KIR3DL3: variants seen among roughly 807,000 people sequenced by gnomAD.
The protein encoded by KIR3DL3 is killer cell immunoglobulin-like receptor 3DL3.
A neutral mutation model predicts 34.9 loss-of-function variants in KIR3DL3; 27 were observed. The ratio of observed to expected loss-of-function variants is 0.77; its 90% CI spans 0.57 to 1.07. KIR3DL3 has a LOEUF of 1.07. KIR3DL3 is among the 50% of genes least tolerant of loss of function. The pLI is 0.00. For synonymous variants in KIR3DL3, 217 were observed against 200.2 expected, an observed-to-expected ratio of 1.08 and a Z score of -0.71; for missense variants, 681 against 528.5, an observed-to-expected ratio of 1.29 and a Z score of -2.83.
intron 5 of KIR3DL3, among the ~76,000 whole-genome samples, chr19:54,733,457 T>C (rs2069060366): frequency 6.6e-6 from 1 of 152,156 alleles, no homozygotes; most frequent in African/African-American, 2.4e-5. Flanking sequence ...GCTTCAACCC[T>C]GGAGGCAGAG....
At chr19:54,725,339 G>A in intron 2 of KIR3DL3, 57 bp downstream of exon 2, 2 of 1,302,180 alleles carry the variant, frequency 1.5e-6, no homozygotes, top group Non-Finnish European at 2.1e-6. Context: ...TGATGCTCCT[G>A]AAACGGGAGG....
intron 3 of KIR3DL3, among the ~76,000 whole-genome samples, chr19:54,727,152 G>A (rs111551907): frequency 0.047 from 6,125 of 131,394 alleles, 571 homozygotes; most frequent in African/African-American, 0.16. Context: ...CATGGAGAAG[G>A]CACAGACATG....
At chr19:54,726,029 A>G (rs2068120811) in intron 2 of KIR3DL3, 24 bp from the exon 3 acceptor site, 2 of 1,549,262 alleles carry the variant, frequency 1.3e-6, no homozygotes, top group Middle Eastern at 1.7e-4. Context: ...CTCCTCTCTA[A>G]GGTGGTGCCT....
intron 5 of KIR3DL3, among the ~76,000 whole-genome samples, chr19:54,731,830 C>G (rs1296479116): frequency 3.9e-5 from 6 of 151,946 alleles, no homozygotes; most frequent in Non-Finnish European, 5.9e-5. Flanking sequence ...TTTACCCACA[C>G]CTTTTTCTCT....
chr19:54,727,400 G>A (rs2068303497), intron 3 of KIR3DL3, among the ~76,000 whole-genome samples: 1 of 135,200 alleles, frequency 7.4e-6, no homozygotes, highest in South Asian at 2.5e-4. Context: ...AGTGGGAAGG[G>A]AATCAGGGCT....
chr19:54,735,938 ACCCT>A, intron 7 of KIR3DL3, 29 bp from the exon 8 acceptor site: 5 of 1,607,326 alleles, frequency 3.1e-6, no homozygotes, highest in Non-Finnish European at 4.2e-6. Flanking sequence ...AAATGTGAGC[ACCCT>A]CCCTCACTCA....
intron 5 of KIR3DL3, among the ~76,000 whole-genome samples, chr19:54,730,999 G>GGTTTTT (rs1228589440): frequency 1.3e-5 from 2 of 151,778 alleles, no homozygotes; most frequent in African/African-American, 2.4e-5. Context: ...TTTGTTTTAT[G>GGTTTTT]GTTTTTGTTT....
intron 5 of KIR3DL3, among the ~76,000 whole-genome samples, chr19:54,732,263 T>TTTTTGTTTTG (rs2068896163): frequency 1.3e-5 from 2 of 151,022 alleles, no homozygotes; most frequent in African/African-American, 4.9e-5. Context: ...GTTTTCTTTT[T>TTTTTGTTTTG]TTTTTTGAGT....
At chr19:54,724,551 G>T in intron 1 of KIR3DL3, 21 bp downstream of exon 1, 1 of 1,607,214 alleles carries the variant, frequency 6.2e-7, no homozygotes, top group Non-Finnish European at 8.5e-7. Flanking sequence ...GAAGGGAATC[G>T]AGGGAGGGAG....
chr19:54,728,851 T>C (rs1472266142), intron 4 of KIR3DL3, among the ~76,000 whole-genome samples: 1 of 148,126 alleles, frequency 6.8e-6, no homozygotes, highest in African/African-American at 2.5e-5. Flanking sequence ...GATGGACAGA[T>C]AGATATAGAT....
At chr19:54,728,569 T>C (rs1053140947) in intron 4 of KIR3DL3, among the ~76,000 whole-genome samples, 3 of 147,570 alleles carry the variant, frequency 2.0e-5, no homozygotes, top group African/African-American at 7.5e-5. Context: ...ATCAGGGAAA[T>C]CAAAAAGCAA....
chr19:54,725,432 G>A (rs912032056), intron 2 of KIR3DL3, 150 bp downstream of exon 2: 71 of 695,960 alleles, frequency 1.0e-4, no homozygotes, highest in Non-Finnish European at 1.6e-4. Flanking sequence ...AGGAAGCCAG[G>A]GGAAGCTTCG....
At position 54,727,862 on chromosome 19, in the gene KIR3DL3, C is replaced by T. The variant is rs772474217; in HGVS notation, c.607C>T (p.Pro203Ser). The change falls in exon 4 of 8, where the codon CCC becomes TCC. Residue 203 changes from proline (P) to serine (S), a missense_variant. Pro to Ser is a moderately conservative substitution (Grantham distance 74). Coordinates refer to ENST00000291860, the MANE Select transcript of KIR3DL3 (RefSeq NM_153443.5). ...ATGCTTTGGTTCTGTCACTCACTTA[C>T]CCTATGAGTTGTCGGCTCCCAGTGA... Reference protein sequence around the residue: ...YRCFGSVTHLPYELSAPSDPL... With the variant: ...YRCFGSVTHLSYELSAPSDPL... 1.2e-6 allele frequency: 2 copies of T among 1,613,650 alleles called. No individual in the cohort carries two copies. The highest frequency in any genetic ancestry group is 2.7e-5 in the African/African-American group (2 of 74,904).
chr19:54,732,763 A>T (rs1402659648), intron 5 of KIR3DL3, among the ~76,000 whole-genome samples: 1 of 152,264 alleles, frequency 6.6e-6, no homozygotes, highest in Non-Finnish European at 1.5e-5. Flanking sequence ...GCTCTGCCTC[A>T]AATGCTGGGA....
rs373135951 is a variant in KIR3DL3 at position 54,728,458 on chromosome 19, T to A, written c.655+548T>A. On this transcript the variant is annotated intron_variant, in intron 4 of 7. Coordinates refer to ENST00000291860, the MANE Select transcript of KIR3DL3 (RefSeq NM_153443.5). ...AACACCAACCCCTGTATGCTGTGAG[T>A]TCCTGGAGTCCCCATACTGGATTCT... 4.9e-4 allele frequency among the ~76,000 whole-genome samples: 72 copies of A among 145,594 alleles called. 5 individuals are homozygous for A. In the South Asian group the frequency reaches 0.017, roughly 34 times the overall value.
chr19:54,729,911 G>A, intron 5 of KIR3DL3, 125 bp downstream of exon 5: 1 of 739,154 alleles, frequency 1.4e-6, no homozygotes. Context: ...GGGTGTAAGG[G>A]CGGGGTCAGG....
intron 4 of KIR3DL3, 46 bp downstream of exon 4, chr19:54,727,956 T>A: frequency 6.4e-7 from 1 of 1,554,276 alleles, no homozygotes. Flanking sequence ...GGAGATGGAG[T>A]GAATGATCTA....
rs2068042376 is a variant in KIR3DL3, at chr19:54,725,235, C to G, written c.35-12C>G. 1.9e-6 allele frequency: 3 copies of G among 1,589,614 alleles called. No homozygotes were observed. The South Asian group carries it at 3.5e-5, about 18-fold the overall frequency. ...GTACAGATGGATCATCCATCATGAT[C>G]TTTCTTTCCAGGGTTCTTCTTGCTG... On this transcript the variant is annotated splice_polypyrimidine_tract_variant and intron_variant, in intron 1 of 7. Transcript: ENST00000291860.
At chr19:54,724,596 C>CTGGGCCTGGAGTGGAGATA (rs2067911302) in intron 1 of KIR3DL3, 66 bp downstream of exon 1, 92 of 1,296,300 alleles carry the variant, frequency 7.1e-5, no homozygotes, top group African/African-American at 1.1e-4. Flanking sequence ...GAGTGGAGAT[C>CTGGGCCTGGAGTGGAGATA]TGGGCCTGGA....
Sources: allele counts gnomAD v4.1 joint callset (sites outside exome capture counted in the v4.1 genomes callset), GRCh38; gene constraint gnomAD v4.1.1; transcripts MANE v1.5; gene names NCBI Gene and HGNC (gene_info 2026-07-23, HGNC 2026-07-21).